EIF2AK2: variants seen among roughly 807,000 people sequenced by gnomAD.
The protein encoded by EIF2AK2 is eukaryotic translation initiation factor 2 alpha kinase 2.
In EIF2AK2, 40 loss-of-function variants were observed where a neutral mutation model predicts 70.5. The observed-to-expected ratio is 0.57, with a 90% CI of 0.44 to 0.74. EIF2AK2 has a LOEUF of 0.74. Among genes scored for constraint, EIF2AK2 ranks in the 30% least tolerant of loss-of-function variants. EIF2AK2 has a pLI of 0.00. For synonymous variants in EIF2AK2, 198 were observed against 220.9 expected (o/e 0.90, Z 0.92); for missense variants, 555 against 644.3 (o/e 0.86, Z 1.50).
At chr2:37,149,382 G>C (rs2148714720) in intron 1 of EIF2AK2, 3 of 533,978 alleles carry the variant, frequency 5.6e-6, no homozygotes, top group African/African-American at 3.9e-5. Flanking sequence ...TTTTAAGCTT[G>C]ATTGTCAAAT....
At chr2:37,121,074 T>C (rs1210005401) in intron 12 of EIF2AK2, among the ~76,000 whole-genome samples, 1 of 147,618 alleles carries the variant, frequency 6.8e-6, no homozygotes, top group Non-Finnish European at 1.5e-5. Context: ...CCATCCTGGC[T>C]AACACGGTGA....
At chr2:37,111,000 C>A (rs1298649220) in intron 14 of EIF2AK2, among the ~76,000 whole-genome samples, 1 of 152,126 alleles carries the variant, frequency 6.6e-6, no homozygotes, top group East Asian at 1.9e-4. Flanking sequence ...TGACATGTTA[C>A]AACATGGATA....
At chr2:37,131,768 T>G (rs902157046) in intron 10 of EIF2AK2, among the ~76,000 whole-genome samples, 1 of 152,082 alleles carries the variant, frequency 6.6e-6, no homozygotes, top group Non-Finnish European at 1.5e-5. Flanking sequence ...CTGAGAGATA[T>G]TGTGATGATA....
intron 14 of EIF2AK2, among the ~76,000 whole-genome samples, chr2:37,111,389 ATTTCT>A (rs10551383): frequency 0.037 from 5,500 of 150,144 alleles, 122 homozygotes; most frequent in Non-Finnish European, 0.053. Context: ...GAGATATGGA[ATTTCT>A]TTTCTTTTTT....
chr2:37,132,693 A>T (rs144546767), intron 10 of EIF2AK2, among the ~76,000 whole-genome samples: 245 of 152,226 alleles, frequency 1.6e-3, no homozygotes, highest in African/African-American at 4.7e-3. Flanking sequence ...CATACACATA[A>T]CCCCAGATAT....
intron 12 of EIF2AK2, among the ~76,000 whole-genome samples, chr2:37,122,156 T>C (rs894085972): frequency 7.3e-6 from 1 of 137,870 alleles, no homozygotes; most frequent in East Asian, 2.9e-4. Flanking sequence ...AGATGCAGCA[T>C]CTATATGTTA....
Position 37,151,287 on chromosome 2 carries a change from C to G in EIF2AK2, c.-183-2264G>C, listed in dbSNP as rs75116944. ...CCAATTAAAAAAATAGGCAAAGGGG[C>G]TTGAACAGACATCTCTCCAAAGAAA... On this transcript the variant is annotated intron_variant, in intron 1 of 16. Coordinates refer to ENST00000233057, the MANE Select transcript of EIF2AK2 (RefSeq NM_001135651.3). 2.2e-4 allele frequency among the ~76,000 whole-genome samples: 33 copies of G among 152,108 alleles called. 1 individual carries two copies. Among genetic ancestry groups the G allele is most frequent in the African/African-American group, 7.5e-4 (31 of 41,502 alleles).
At position 37,141,565 on chromosome 2, in the gene EIF2AK2, T is replaced by C. The variant is rs779216294; in HGVS notation, c.377A>G (p.His126Arg). ...VNYEQCASGV[H>R]GPEGFHYKCK... is the part of the protein sequence containing the mutation. ...AATTATGTCTTACCCTTCTGGCCCATGCACCCCCGATGCACACTGTTCATA... is the reference window on the plus strand; with the variant it reads ...AATTATGTCTTACCCTTCTGGCCCACGCACCCCCGATGCACACTGTTCATA... Residue 126 changes from histidine (H) to arginine (R), a missense_variant, in exon 5 of 17, where the codon CAT becomes CGT. Transcript: ENST00000233057. 1.2e-6 allele frequency: 2 copies of C among 1,613,330 alleles called. No individual in the cohort carries two copies. Among genetic ancestry groups the C allele is most frequent in the Non-Finnish European group, 1.7e-6 (2 of 1,179,862 alleles).
chr2:37,119,717 G>A (rs4648220), intron 13 of EIF2AK2, among the ~76,000 whole-genome samples: 3,386 of 150,984 alleles, frequency 0.022, 54 homozygotes, highest in Non-Finnish European at 0.034. Context: ...TCAGCCTCCC[G>A]AGTAGCTGGG....
chr2:37,149,327 C>T, intron 1 of EIF2AK2: 1 of 818,580 alleles, frequency 1.2e-6, no homozygotes, highest in Non-Finnish European at 2.0e-6. Context: ...AACTATGGGG[C>T]CTTTAAAGGT....
Position 37,114,812 on chromosome 2 carries a change from G to C in EIF2AK2, c.1296C>G (p.Asp432Glu). The C allele has an allele frequency of 1.9e-6, 3 of 1,595,896 alleles. No individual in the cohort carries two copies. Among genetic ancestry groups the C allele is most frequent in the Non-Finnish European group, 2.6e-6 (3 of 1,171,588 alleles). Residue 432 changes from aspartate to glutamate, a missense_variant, in exon 14 of 17, where the codon GAC (aspartate) becomes GAG (glutamate). Coordinates refer to ENST00000233057, the MANE Select transcript of EIF2AK2 (RefSeq NM_001135651.3). ...TTTTCAGAGATGTTACAAGTCCAAA[G>C]TCTCCAATCTTTACTTGTTTTGTAT... ...LVDTKQVKIG[D>E]FGLVTSLKND...
At chr2:37,123,921 TA>T (rs1043744605) in intron 11 of EIF2AK2, among the ~76,000 whole-genome samples, 1 of 151,658 alleles carries the variant, frequency 6.6e-6, no homozygotes, top group African/African-American at 2.4e-5. Flanking sequence ...TTTGCAAAAA[TA>T]AAAAAAATTA....
chr2:37,111,981 C>G (rs1674178238), intron 14 of EIF2AK2, among the ~76,000 whole-genome samples: 1 of 144,482 alleles, frequency 6.9e-6, no homozygotes, highest in African/African-American at 2.6e-5. Flanking sequence ...ATAAAAGTGG[C>G]TCTGAGGTAG....
chr2:37,140,600 G>GCCC (rs113249365), intron 5 of EIF2AK2, among the ~76,000 whole-genome samples: 13 of 148,302 alleles, frequency 8.8e-5, no homozygotes, highest in African/African-American at 3.2e-4. Context: ...TTCAGATACT[G>GCCC]CCCCCCCCCG....
At chr2:37,146,747 G>A (rs1475468650) in intron 4 of EIF2AK2, 106 bp downstream of exon 4, 1 of 1,375,606 alleles carries the variant, frequency 7.3e-7, no homozygotes, top group African/African-American at 1.4e-5. Context: ...TGAATGTAAG[G>A]GAACGTGTGA....
chr2:37,144,513 G>A (rs1326707476), intron 4 of EIF2AK2, among the ~76,000 whole-genome samples: 1 of 152,094 alleles, frequency 6.6e-6, no homozygotes, highest in Non-Finnish European at 1.5e-5. Context: ...GGAGGTGGAA[G>A]ATGGTGATGT....
At chr2:37,120,322 G>A (rs1030119172) in intron 12 of EIF2AK2, among the ~76,000 whole-genome samples, 183 bp from the exon 13 acceptor site, 4 of 150,128 alleles carry the variant, frequency 2.7e-5, no homozygotes, top group Non-Finnish European at 5.9e-5. Context: ...TCGAGACCAC[G>A]GTGAAACCCC....
At chr2:37,135,136 G>A (rs900300216) in intron 10 of EIF2AK2, among the ~76,000 whole-genome samples, 1 of 152,070 alleles carries the variant, frequency 6.6e-6, no homozygotes, top group African/African-American at 2.4e-5. Context: ...AATAATGGCT[G>A]AAAAAAGGGA....
chr2:37,114,726 C>T lies in EIF2AK2; in HGVS notation c.1377+5G>A. 1.3e-6 allele frequency: 2 copies of T among 1,546,190 alleles called. No homozygotes were observed. Among genetic ancestry groups the T allele is most frequent in the South Asian group, 1.3e-5 (1 of 78,440 alleles). ...AAATATAGACAGACAGGAAAGAGAC[C>T]TTACCTGTTCTGGGCTCATGTATCG... On this transcript the variant is annotated splice_donor_5th_base_variant and intron_variant, in intron 14 of 16. Coordinates refer to ENST00000233057, the MANE Select transcript of EIF2AK2 (RefSeq NM_001135651.3).
Sources: allele counts gnomAD v4.1 joint callset (sites outside exome capture counted in the v4.1 genomes callset), GRCh38; gene constraint gnomAD v4.1.1; transcripts MANE v1.5; gene names NCBI Gene and HGNC (gene_info 2026-07-23, HGNC 2026-07-21).